PIK3R3: variants seen among roughly 807,000 people sequenced by gnomAD.
PIK3R3 encodes phosphatidylinositol 3-kinase regulatory subunit gamma.
A neutral mutation model predicts 62.9 loss-of-function variants in PIK3R3; 64 were observed. The observed-to-expected ratio is 1.02, with a 90% CI of 0.83 to 1.25. The LOEUF is 1.25. PIK3R3 is among the 50% of genes most tolerant of loss of function. PIK3R3 has a pLI of 0.00. For missense variants in PIK3R3, 614 were observed against 561.6 expected (o/e 1.09, Z -0.94); for synonymous variants, 165 against 189.0 (o/e 0.87, Z 1.04).
In PIK3R3 at chr1:46,132,045, T is replaced by C; in HGVS notation, c.-93A>G. On this transcript the variant is annotated 5_prime_UTR_variant, in exon 1 of 10. Coordinates refer to ENST00000262741, the MANE Select transcript of PIK3R3 (RefSeq NM_003629.4). ...ATCTAAAAATATATATCTGCAAAAG[T>C]TCCACACGGAAATGTACTTCGGGTT... 1 of 1,517,314 alleles carries C rather than the reference T, an allele frequency of 6.6e-7. No homozygotes were observed. The highest frequency in any genetic ancestry group is 2.1e-5 in the Admixed American group (1 of 47,368). 94.0% of individuals were successfully genotyped at this position (1,517,314 alleles called of 1,614,324 possible).
chr1:46,094,891 C>T (rs1387803722), intron 1 of PIK3R3, among the ~76,000 whole-genome samples: 5 of 152,170 alleles, frequency 3.3e-5, no homozygotes, highest in African/African-American at 1.2e-4. Context: ...GAAAACTGTG[C>T]CATTTCCAGC....
At chr1:46,120,714 C>A (rs1654607643) in intron 1 of PIK3R3, among the ~76,000 whole-genome samples, 1 of 152,172 alleles carries the variant, frequency 6.6e-6, no homozygotes, top group African/African-American at 2.4e-5. Context: ...TTCCTAGCAT[C>A]AATTCTCTCC....
chr1:46,120,754 A>G (rs755972150), intron 1 of PIK3R3, among the ~76,000 whole-genome samples: 8 of 152,172 alleles, frequency 5.3e-5, no homozygotes, highest in South Asian at 4.1e-4. Flanking sequence ...TCTCTCCCCA[A>G]TACAACCATA....
chr1:46,105,468 C>T (rs935325107), intron 1 of PIK3R3, among the ~76,000 whole-genome samples: 1 of 151,674 alleles, frequency 6.6e-6, no homozygotes, highest in Non-Finnish European at 1.5e-5. Context: ...CACGCCACTG[C>T]ACTCCAGCCT....
chr1:46,131,918 T>A lies in PIK3R3; in HGVS notation c.35A>T (p.Asp12Val). 1 of 1,614,006 alleles carries A rather than the reference T, an allele frequency of 6.2e-7. No homozygotes were observed. Among genetic ancestry groups the A allele is most frequent in the Non-Finnish European group, 8.5e-7 (1 of 1,179,902 alleles). ...CATCATCACCTCCCTCCAGTCTGCGTCATCGCGGTCCATACTCCACACCGT... is the reference window on the plus strand; with the variant it reads ...CATCATCACCTCCCTCCAGTCTGCGACATCGCGGTCCATACTCCACACCGT... ...YNTVWSMDRD[D>V]ADWREVMMPY... The change falls in exon 1 of 10, where the codon GAC becomes GTC. Residue 12 changes from aspartate (D) to valine (V), a missense_variant. By Grantham distance (152) the Asp-to-Val change is radical. Coordinates refer to ENST00000262741, the MANE Select transcript of PIK3R3 (RefSeq NM_003629.4).
At chr1:46,153,843 T>TA in the PIK3R3 span, among the ~76,000 whole-genome samples, 1 of 152,200 alleles carries the variant, frequency 6.6e-6, no homozygotes, top group Non-Finnish European at 1.5e-5. Flanking sequence ...CAGTGCTGCT[T>TA]AACTAGTGGA....
intron 1 of PIK3R3, among the ~76,000 whole-genome samples, chr1:46,130,862 G>T (rs915677983): frequency 1.3e-5 from 2 of 152,088 alleles, no homozygotes; most frequent in African/African-American, 4.8e-5. Flanking sequence ...CTGCAAACAG[G>T]GTTTGAGAAA....
Position 46,132,201 on chromosome 1 carries a change from T to C in PIK3R3, c.-249A>G. ...TCTCCTCAGAGGATTACACAGAGGC[T>C]TGGGGGACGGAGAGCAGAGGTGTTA... On this transcript the variant is annotated 5_prime_UTR_variant, in exon 1 of 10. Transcript: ENST00000262741. The C allele has an allele frequency of 2.4e-6, 3 of 1,257,662 alleles. No individual in the cohort carries two copies. The highest frequency in any genetic ancestry group is 2.0e-6 in the Non-Finnish European group (2 of 994,204). 77.9% of individuals were successfully genotyped at this position (1,257,662 alleles called of 1,614,324 possible). A position where few individuals can be genotyped will look rare whatever the true frequency, so the allele number is the denominator to read the frequency against.
the PIK3R3 span, among the ~76,000 whole-genome samples, chr1:46,164,724 C>A: frequency 5.9e-5 from 9 of 152,202 alleles, no homozygotes; most frequent in Admixed American, 3.3e-4. Flanking sequence ...TCTCTTTCTA[C>A]TTCCTGTCTT....
intron 1 of PIK3R3, among the ~76,000 whole-genome samples, chr1:46,117,077 C>T (rs1654249923): frequency 6.6e-6 from 1 of 152,120 alleles, no homozygotes; most frequent in Non-Finnish European, 1.5e-5. Context: ...GTTTCTTCTC[C>T]CCTTCACAGC....
chr1:46,153,642 T>G, the PIK3R3 span, among the ~76,000 whole-genome samples: 1 of 152,232 alleles, frequency 6.6e-6, no homozygotes, highest in South Asian at 2.1e-4. Flanking sequence ...CAATACAGAC[T>G]TTTTCATCTT....
At chr1:46,127,370 TAC>T (rs201708112) in intron 1 of PIK3R3, among the ~76,000 whole-genome samples, 188 of 146,332 alleles carry the variant, frequency 1.3e-3, no homozygotes, top group African/African-American at 3.2e-3. Context: ...TATATATATA[TAC>T]ATAATTTCAG....
chr1:46,122,588 G>A (rs1199136486), intron 1 of PIK3R3, among the ~76,000 whole-genome samples: 1 of 151,986 alleles, frequency 6.6e-6, no homozygotes, highest in South Asian at 2.1e-4. Flanking sequence ...GGCTGGTCTC[G>A]AACTCCTGAC....
intron 1 of PIK3R3, among the ~76,000 whole-genome samples, chr1:46,088,492 A>T (rs1028642850): frequency 1.4e-4 from 21 of 152,134 alleles, no homozygotes; most frequent in African/African-American, 4.8e-4. Flanking sequence ...TCTATATCAA[A>T]GTAACATTCA....
intron 6 of PIK3R3, among the ~76,000 whole-genome samples, chr1:46,061,316 G>A (rs1344831554): frequency 2.6e-5 from 4 of 152,008 alleles, no homozygotes; most frequent in South Asian, 2.1e-4. Context: ...ATGACCTCCC[G>A]CTTCTTTTCT....
intron 3 of PIK3R3, among the ~76,000 whole-genome samples, chr1:46,076,995 T>A (rs1650126197): frequency 6.6e-6 from 1 of 152,216 alleles, no homozygotes; most frequent in Non-Finnish European, 1.5e-5. Context: ...TCATGCAGTT[T>A]TCTTAACCTT....
rs375464903 is a variant in PIK3R3, at chr1:46,082,836, G to A, written c.107-2086C>T. On this transcript the variant is annotated intron_variant, in intron 1 of 9. Transcript: ENST00000262741. The stretch of plus-strand genomic sequence containing the variant: ...TCCCAGCACTTTGAGAGGTGGAGGC[G>A]GACAGATCAGCTGAGGTCAGGAGTT... Among the ~76,000 whole-genome samples the A allele has an allele frequency of 8.5e-5, 13 of 152,124 alleles. No homozygotes were observed. In the East Asian group the frequency reaches 2.1e-3, roughly 25 times the overall value.
At chr1:46,132,634 T>C (rs1184262518), upstream of PIK3R3, 34 of 1,289,416 alleles carry the variant, frequency 2.6e-5, no homozygotes, top group Non-Finnish European at 3.3e-5. Flanking sequence ...CTGCCCGGAC[T>C]CCAGCCACTA....
intron 1 of PIK3R3, among the ~76,000 whole-genome samples, chr1:46,099,293 C>T (rs576783102): frequency 6.6e-6 from 1 of 152,242 alleles, no homozygotes; most frequent in East Asian, 1.9e-4. Flanking sequence ...TTAGATGTTT[C>T]AATTCAGGAC....
Sources: allele counts gnomAD v4.1 joint callset (sites outside exome capture counted in the v4.1 genomes callset), GRCh38; gene constraint gnomAD v4.1.1; transcripts MANE v1.5; gene names NCBI Gene and HGNC (gene_info 2026-07-23, HGNC 2026-07-21).